SAMMSON: variants seen among roughly 807,000 people sequenced by gnomAD.
SAMMSON encodes survival associated mitochondrial melanoma specific oncogenic non-coding RNA.
chr3:70,386,524 C>T (rs1375756954), intron 9 of SAMMSON, among the ~76,000 whole-genome samples: 2 of 151,936 alleles, frequency 1.3e-5, no homozygotes, highest in Non-Finnish European at 2.9e-5. Context: ...TGCATATTGC[C>T]CTCTGATATC....
chr3:70,073,657 CCTCT>C (rs1246585048), intron 4 of SAMMSON, among the ~76,000 whole-genome samples: 1 of 151,718 alleles, frequency 6.6e-6, no homozygotes, highest in Non-Finnish European at 1.5e-5. Flanking sequence ...TTCCCCTTTC[CCTCT>C]CTCTTTGTTC....
At chr3:70,278,514 G>A (rs537474282) in intron 6 of SAMMSON, among the ~76,000 whole-genome samples, 34 of 152,256 alleles carry the variant, frequency 2.2e-4, no homozygotes, top group East Asian at 3.9e-4. Flanking sequence ...TTATACATCC[G>A]TCAAGACTGT....
chr3:70,010,238 G>A (rs1158098347), intron 1 of SAMMSON, among the ~76,000 whole-genome samples: 2 of 151,916 alleles, frequency 1.3e-5, no homozygotes, highest in African/African-American at 2.4e-5. Context: ...TGACCGTGGG[G>A]TGTTAAAGTC....
At chr3:70,415,069 T>C (rs1397445268) in intron 2 of SAMMSON, among the ~76,000 whole-genome samples, 1 of 151,840 alleles carries the variant, frequency 6.6e-6, no homozygotes, top group Admixed American at 6.6e-5. Flanking sequence ...AACTGTAAAA[T>C]GAGGGGGGGT....
chr3:70,105,629 C>T (rs1181052860), intron 4 of SAMMSON, among the ~76,000 whole-genome samples: 1 of 152,162 alleles, frequency 6.6e-6, no homozygotes, highest in African/African-American at 2.4e-5. Context: ...GCAAATTGGA[C>T]CCCATTTCAA....
chr3:70,069,739 A>T (rs753646114), intron 3 of SAMMSON: 4 of 152,142 alleles, frequency 2.6e-5, no homozygotes, highest in Non-Finnish European at 5.9e-5. Context: ...TTCACAGATG[A>T]GCAAACTGAG....
At chr3:70,177,099 A>G (rs1701014614) in intron 4 of SAMMSON, among the ~76,000 whole-genome samples, 1 of 152,248 alleles carries the variant, frequency 6.6e-6, no homozygotes. Context: ...TTTGATGTTA[A>G]TCCAAACAAC....
At chr3:70,184,385 A>G (rs569348982) in intron 4 of SAMMSON, among the ~76,000 whole-genome samples, 2 of 152,310 alleles carry the variant, frequency 1.3e-5, no homozygotes, top group East Asian at 3.9e-4. Context: ...TGCTTTTTCC[A>G]TAAAGTATCT....
chr3:70,343,168 C>T (rs886435733), intron 7 of SAMMSON, among the ~76,000 whole-genome samples: 7 of 152,052 alleles, frequency 4.6e-5, no homozygotes, highest in African/African-American at 1.4e-4. Context: ...TCGATTTTCC[C>T]TACTATTAAA....
intron 4 of SAMMSON, among the ~76,000 whole-genome samples, chr3:70,170,273 T>A (rs2106698794): frequency 6.6e-6 from 1 of 151,926 alleles, no homozygotes; most frequent in Non-Finnish European, 1.5e-5. Flanking sequence ...TCACTTATTA[T>A]CTGAAAAATG....
chr3:70,261,188 T>C (rs1480385636), intron 6 of SAMMSON, among the ~76,000 whole-genome samples: 2 of 152,230 alleles, frequency 1.3e-5, no homozygotes, highest in Non-Finnish European at 2.9e-5. Context: ...TGAAATTTAC[T>C]CAAAGACATT....
intron 6 of SAMMSON, among the ~76,000 whole-genome samples, chr3:70,258,797 A>G (rs1455979608): frequency 6.6e-6 from 1 of 152,214 alleles, no homozygotes; most frequent in Non-Finnish European, 1.5e-5. Flanking sequence ...TATTTAGCCA[A>G]TAAAATATAA....
At chr3:70,078,492 G>A (rs2067256638) in intron 4 of SAMMSON, among the ~76,000 whole-genome samples, 1 of 152,048 alleles carries the variant, frequency 6.6e-6, no homozygotes, top group Admixed American at 6.6e-5. Flanking sequence ...TGTTCTGTAG[G>A]CAGCCTTCAG....
At chr3:70,225,805 G>A (rs1295997446) in intron 4 of SAMMSON, among the ~76,000 whole-genome samples, 1 of 152,186 alleles carries the variant, frequency 6.6e-6, no homozygotes, top group African/African-American at 2.4e-5. Flanking sequence ...AAAGATACAT[G>A]GTGGTGCCAT....
intron 1 of SAMMSON, among the ~76,000 whole-genome samples, chr3:70,006,677 CTTTAAG>C (rs2066927947): frequency 6.6e-6 from 1 of 151,668 alleles, no homozygotes; most frequent in African/African-American, 2.4e-5. Flanking sequence ...TTAAATTATA[CTTTAAG>C]TTTTAGGGTA....
At chr3:70,303,942 C>T (rs1427745892) in intron 7 of SAMMSON, among the ~76,000 whole-genome samples, 1 of 152,158 alleles carries the variant, frequency 6.6e-6, no homozygotes, top group Middle Eastern at 3.2e-3. Flanking sequence ...CTCAGCTTCT[C>T]AAGGTGCTGG....
chr3:70,379,807 G>A (rs1389238741), intron 9 of SAMMSON, among the ~76,000 whole-genome samples: 3 of 152,122 alleles, frequency 2.0e-5, no homozygotes, highest in East Asian at 3.9e-4. Context: ...AGGAAAGCGT[G>A]TTATGCATGC....
intron 3 of SAMMSON, among the ~76,000 whole-genome samples, chr3:70,045,883 T>C (rs1235213671): frequency 6.6e-6 from 1 of 152,108 alleles, no homozygotes. Context: ...TCTCTTCTTT[T>C]GGTAAGTTTC....
chr3:70,360,454 T>C (rs899580862), intron 9 of SAMMSON, among the ~76,000 whole-genome samples: 5 of 152,160 alleles, frequency 3.3e-5, no homozygotes, highest in African/African-American at 9.7e-5. Context: ...ATGACTGTTA[T>C]ATGTTTTAAA....
Sources: gnomAD v4.1 joint callset for allele counts (sites outside exome capture counted in the v4.1 genomes callset) on GRCh38, gnomAD v4.1.1 for gene constraint, MANE v1.5 for transcripts, NCBI Gene and HGNC (gene_info 2026-07-23, HGNC 2026-07-21) for gene names.